CPT1C: variants seen among roughly 807,000 people sequenced by gnomAD.
CPT1C encodes the protein carnitine palmitoyltransferase 1C, also known as palmitoyl thioesterase CPT1C.
Under a neutral mutation model 97.3 loss-of-function variants are expected in CPT1C, and 61 were observed. The observed-to-expected ratio is 0.63, with a 90% CI of 0.51 to 0.78. The LOEUF is 0.78. CPT1C is among the 30% of genes least tolerant of loss of function. The pLI, the probability that CPT1C is intolerant of heterozygous loss-of-function variation, is 0.00. For missense variants in CPT1C, 975 were observed against 1,065.5 expected, an observed-to-expected ratio of 0.92 and a Z score of 1.18; for synonymous variants, 469 against 447.2, an observed-to-expected ratio of 1.05 and a Z score of -0.61.
At chr19:49,693,455 G>A (rs1408016935) in intron 3 of CPT1C, among the ~76,000 whole-genome samples, 1 of 152,164 alleles carries the variant, frequency 6.6e-6, no homozygotes, top group Non-Finnish European at 1.5e-5. Flanking sequence ...GGTGTTGACA[G>A]CACCTCCCTC....
chr19:49,699,541 A>G (rs750450004), intron 4 of CPT1C, among the ~76,000 whole-genome samples: 1 of 149,532 alleles, frequency 6.7e-6, no homozygotes, highest in Non-Finnish European at 1.5e-5. Flanking sequence ...AAGTGATTTG[A>G]CCCAAGTCCT....
In CPT1C at chr19:49,706,514, C is replaced by A. The variant is rs988311925; in HGVS notation, c.1343+101C>A. ...AGACAGCCAGACCCTGGAGCCCACA[C>A]CTGCAGAGTCTGTAGACCAGGGGCT... is the stretch of plus-strand genomic sequence containing the variant. On this transcript the variant is annotated intron_variant, in intron 12 of 19. Transcript: ENST00000598293. This position sits in a 1 kb window ranked among gnomAD's most constrained non-coding sequence, Gnocchi z 4.8. 1.9e-6 allele frequency: 2 copies of A among 1,037,848 alleles called. No individual in the cohort carries two copies. Among genetic ancestry groups the A allele is most frequent in the African/African-American group, 1.7e-5 (1 of 59,814 alleles). 64.3% of individuals were successfully genotyped at this position (1,037,848 alleles called of 1,614,324 possible).
At chr19:49,699,994 T>C (rs986253306) in intron 4 of CPT1C, among the ~76,000 whole-genome samples, 1 of 149,640 alleles carries the variant, frequency 6.7e-6, no homozygotes, top group African/African-American at 2.5e-5. Context: ...ACGCCTGTAA[T>C]CCCAGCACTT....
rs778601220 is a variant in CPT1C, at chr19:49,713,013, G to C, written c.2175G>C (p.Gly725=). The C allele has an allele frequency of 5.6e-6, 9 of 1,614,070 alleles. No individual in the cohort carries two copies. The highest frequency in any genetic ancestry group is 3.3e-4 in the Middle Eastern group (2 of 6,062). Residue 725 remains glycine, a synonymous_variant, in exon 19 of 20, where the codon GGG becomes GGC. Coordinates refer to ENST00000598293, the MANE Select transcript of CPT1C (RefSeq NM_001199753.2). ...HGYGVSYIFM[G]DGMITFHISS... Reference sequence around the variant, plus strand: ...ATGGTGTTTCTTATATCTTCATGGGGGATGGCATGATCACCTTCCACATCT... The same window carrying C: ...ATGGTGTTTCTTATATCTTCATGGGCGATGGCATGATCACCTTCCACATCT...
Position 49,692,337 on chromosome 19 carries a change from CAGG to C in CPT1C, c.88_90del (p.Glu30del). On this transcript the variant is annotated inframe_deletion, in exon 3 of 20. Coordinates refer to ENST00000598293, the MANE Select transcript of CPT1C (RefSeq NM_001199753.2). ...AGTGGAACTCAGTGCCCCTGTGCTG[CAGG>C]AGATCTACCTCTCTGGCCTGCGCTC... 6.2e-7 allele frequency: 1 copy of C among 1,614,090 alleles called. No homozygotes were observed.
intron 8 of CPT1C, 77 bp from the exon 9 acceptor site, chr19:49,704,930 C>A: frequency 7.0e-7 from 1 of 1,420,796 alleles, no homozygotes; most frequent in Non-Finnish European, 9.8e-7. Context: ...GGGGTCAGGA[C>A]CTGTATTTGG....
chr19:49,705,927 A>G lies in CPT1C; in HGVS notation c.983A>G (p.His328Arg), dbSNP rs1267841171. ...CCCCTAGACTACATCCGCCACCTCC[A>G]TGACAGCCAACACGTGGCTGTCTTC... ...GVQKDYIRHLHDSQHVAVFHR... is the reference protein window; with the variant it reads ...GVQKDYIRHLRDSQHVAVFHR... The change falls in exon 11 of 20, where the codon CAT (histidine) becomes CGT (arginine). Residue 328 changes from histidine (H) to arginine (R), a missense_variant. His to Arg is a conservative substitution (Grantham distance 29). Transcript: ENST00000598293. 1.2e-6 allele frequency: 2 copies of G among 1,613,548 alleles called. No homozygotes were observed. Among genetic ancestry groups the G allele is most frequent in the Non-Finnish European group, 1.7e-6 (2 of 1,179,854 alleles).
chr19:49,693,973 G>A (rs2123109653), intron 3 of CPT1C, among the ~76,000 whole-genome samples: 1 of 152,154 alleles, frequency 6.6e-6, no homozygotes, highest in African/African-American at 2.4e-5. Flanking sequence ...GCTGAGGCAG[G>A]AGAATGGCGT....
intron 14 of CPT1C, 115 bp downstream of exon 14, chr19:49,708,954 C>A: frequency 1.5e-6 from 1 of 676,458 alleles, no homozygotes; most frequent in Non-Finnish European, 2.5e-6. Context: ...TACCCCCAAC[C>A]CGAAACCCAT....
chr19:49,707,441 C>T (rs930661424), intron 12 of CPT1C, 77 bp from the exon 13 acceptor site: 1 of 1,020,384 alleles, frequency 9.8e-7, no homozygotes, highest in Non-Finnish European at 1.5e-6. Context: ...TAGAAAACCC[C>T]CTCAAGTCCC....
At chr19:49,699,808 G>C (rs1297693791) in intron 4 of CPT1C, among the ~76,000 whole-genome samples, 5 of 152,172 alleles carry the variant, frequency 3.3e-5, no homozygotes, top group African/African-American at 9.7e-5. Flanking sequence ...CAAAAAATTA[G>C]CTGGGCGTGG....
In CPT1C at chr19:49,701,536, T is replaced by G; in HGVS notation, c.595T>G (p.Phe199Val). The G allele has an allele frequency of 6.2e-7, 1 of 1,612,280 alleles. No individual in the cohort carries two copies. The highest frequency in any genetic ancestry group is 8.5e-7 in the Non-Finnish European group (1 of 1,178,942). Residue 199 changes from phenylalanine to valine, a missense_variant, in exon 7 of 20, where the codon TTC (phenylalanine) becomes GTC (valine). Physicochemically the swap from Phe to Val is conservative, Grantham distance 50. This residue lies in a region of CPT1C where 596 missense variants were observed against 603.1 expected (regional missense o/e 0.99). Transcript: ENST00000598293. ...SVRPILSDED[F>V]DWTAVLAQEF... The stretch of plus-strand genomic sequence containing the variant: ...CCGGCCCATCCTCTCCGACGAGGAC[T>G]TCGACTGGACCGCGGTCCTGGCGCA...
At chr19:49,704,882 A>G (rs2083412747) in intron 8 of CPT1C, 95 bp downstream of exon 8, 1 of 1,423,026 alleles carries the variant, frequency 7.0e-7, no homozygotes, top group Non-Finnish European at 9.9e-7. Flanking sequence ...ACCTGGATCT[A>G]GACGCGCCAT....
intron 6 of CPT1C, 36 bp downstream of exon 6, chr19:49,701,454 C>T (rs1351088548): frequency 5.7e-6 from 9 of 1,586,944 alleles, no homozygotes; most frequent in African/African-American, 2.7e-5. Context: ...CTGGGGCGGC[C>T]GGGGCGGGCC....
At chr19:49,693,044 C>A (rs2082441757) in intron 3 of CPT1C, among the ~76,000 whole-genome samples, 1 of 152,148 alleles carries the variant, frequency 6.6e-6, no homozygotes, top group South Asian at 2.1e-4. Context: ...ATGGATTATA[C>A]GCCCAGCTAA....
At chr19:49,695,444 C>G (rs2082614983) in intron 3 of CPT1C, among the ~76,000 whole-genome samples, 1 of 151,654 alleles carries the variant, frequency 6.6e-6, no homozygotes, top group South Asian at 2.1e-4. Flanking sequence ...CCACCAGGCC[C>G]GGCTAATTTT....
rs374640833 is a variant in CPT1C, at chr19:49,708,715, G to A, written c.1450-8G>A. ...GAAGGGACTCTAACAGCCTCTGTTT[G>A]CCCACAGTTCACTCTGGCTACAGAA... On this transcript the variant is annotated splice_region_variant and splice_polypyrimidine_tract_variant and intron_variant, in intron 13 of 19. Coordinates refer to ENST00000598293, the MANE Select transcript of CPT1C (RefSeq NM_001199753.2). 1.0e-3 allele frequency: 1,600 copies of A among 1,605,656 alleles called. 19 individuals carry two copies. In the South Asian group the frequency reaches 0.016, roughly 17 times the overall value.
At chr19:49,712,549 G>A (rs1568546760) in intron 17 of CPT1C, 187 bp from the exon 18 acceptor site, 3 of 539,160 alleles carry the variant, frequency 5.6e-6, no homozygotes, top group Non-Finnish European at 9.5e-6. Flanking sequence ...GAGGGACGTG[G>A]GTGTGGGTGG....
At chr19:49,699,457 T>TA (rs71180647) in intron 4 of CPT1C, among the ~76,000 whole-genome samples, 1,609 of 35,228 alleles carry the variant, frequency 0.046, 199 homozygotes, top group East Asian at 0.098. Context: ...CCCCTGTCTC[T>TA]AAAAAAAAAA....
Sources: allele counts gnomAD v4.1 joint callset (sites outside exome capture counted in the v4.1 genomes callset), GRCh38; gene constraint gnomAD v4.1.1; regional missense constraint gnomAD v4.1.1; non-coding constraint Gnocchi (gnomAD v3.1); transcripts MANE v1.5; gene names NCBI Gene and HGNC (gene_info 2026-07-23, HGNC 2026-07-21).